The following GLCCI1 variants were observed in gnomAD, a reference collection of about 807,000 sequenced individuals.
GLCCI1 encodes the protein glucocorticoid-induced transcript 1 protein.
A neutral mutation model predicts 52.2 loss-of-function variants in GLCCI1; 24 were observed. The observed-to-expected ratio is 0.46, with a 90% confidence interval of 0.33 to 0.65. The LOEUF is 0.65. Among genes scored for constraint, GLCCI1 ranks in the 30% least tolerant of loss-of-function variants. GLCCI1 has a pLI of 0.02. For synonymous variants in GLCCI1, 310 were observed against 276.5 expected (o/e 1.12, Z -1.20); for missense variants, 704 against 701.5 (o/e 1.00, Z -0.04).
In GLCCI1 at chr7:8,088,771, G is replaced by T. The variant is rs148412769; in HGVS notation, c.*2233G>T. 3 of 152,700 alleles carry T rather than the reference G, an allele frequency of 2.0e-5. No individual in the cohort carries two copies. The highest frequency in any genetic ancestry group is 2.0e-4 in the Admixed American group (3 of 15,296). The allele number at this position is 152,700 out of a possible 1,614,324, so 9.5% of individuals were successfully genotyped here. On this transcript the variant is annotated 3_prime_UTR_variant, in exon 8 of 8. Coordinates refer to ENST00000223145, the MANE Select transcript of GLCCI1 (RefSeq NM_138426.4). ...TCTCATGAGATACTAAATATTAATT[G>T]TGTTGTACATTTGTTCTTAGCATAT...
intron 3 of GLCCI1, among the ~76,000 whole-genome samples, chr7:8,024,277 T>G (rs1052508027): frequency 2.0e-5 from 3 of 152,198 alleles, no homozygotes; most frequent in African/African-American, 7.2e-5. Flanking sequence ...TAGCAGCTTC[T>G]TTATAGTATG....
chr7:8,055,607 A>T, intron 4 of GLCCI1, 58 bp downstream of exon 4: 1 of 989,046 alleles, frequency 1.0e-6, no homozygotes, highest in Non-Finnish European at 1.6e-6. Context: ...AAGGAAGGGA[A>T]TTCATCATTT....
intron 1 of GLCCI1, among the ~76,000 whole-genome samples, chr7:7,975,684 G>C (rs571220120): frequency 2.0e-5 from 3 of 152,192 alleles, no homozygotes; most frequent in Non-Finnish European, 4.4e-5. Context: ...GTGAGACCTA[G>C]TTTGTTGAAT....
chr7:7,988,168 C>T (rs1780774527), intron 1 of GLCCI1, among the ~76,000 whole-genome samples: 1 of 152,054 alleles, frequency 6.6e-6, no homozygotes, highest in Non-Finnish European at 1.5e-5. Context: ...ACTGGAGTCT[C>T]TGTTGATAAG....
rs965965715 is a variant in GLCCI1 at position 7,969,504 on chromosome 7, G to T, written c.154G>T (p.Ala52Ser). The change falls in exon 1 of 8, where the codon GCC (alanine) becomes TCC (serine). Residue 52 changes from alanine to serine, a missense_variant. By Grantham distance (99) the Ala-to-Ser change is moderately conservative. Coordinates refer to ENST00000223145, the MANE Select transcript of GLCCI1 (RefSeq NM_138426.4). This position sits in a 1 kb window ranked among gnomAD's most constrained non-coding sequence, Gnocchi z 4.9. ...GGGCGGCGGCGGCGGCGTGGGCTGCGCCCCGGCTGCGGGAGCCGGCCGGCT... is the reference window on the plus strand; with the variant it reads ...GGGCGGCGGCGGCGGCGTGGGCTGCTCCCCGGCTGCGGGAGCCGGCCGGCT... Reference protein sequence around the residue: ...GAGGGGGVGCAPAAGAGRLLQ... With the variant: ...GAGGGGGVGCSPAAGAGRLLQ... The T allele has an allele frequency of 1.4e-4, 141 of 1,003,292 alleles. No individual in the cohort carries two copies. The African/African-American group carries it at 2.4e-3, about 17-fold the overall frequency. 62.1% of individuals were successfully genotyped at this position (1,003,292 alleles called of 1,614,324 possible). A position where few individuals can be genotyped will look rare whatever the true frequency, so the allele number is the denominator to read the frequency against.
chr7:8,018,482 G>A (rs764959529), intron 2 of GLCCI1, among the ~76,000 whole-genome samples: 2 of 152,076 alleles, frequency 1.3e-5, no homozygotes, highest in African/African-American at 2.4e-5. Flanking sequence ...TTTTCTAATG[G>A]TATTCATTTT....
At chr7:8,045,866 A>G (rs1782111723) in intron 3 of GLCCI1, among the ~76,000 whole-genome samples, 1 of 152,156 alleles carries the variant, frequency 6.6e-6, no homozygotes, top group Non-Finnish European at 1.5e-5. Flanking sequence ...ATGAACCTGC[A>G]AACAAATATC....
chr7:7,987,360 G>A (rs1780755846), intron 1 of GLCCI1, among the ~76,000 whole-genome samples: 1 of 152,184 alleles, frequency 6.6e-6, no homozygotes, highest in African/African-American at 2.4e-5. Context: ...AAAGAGAAGT[G>A]TGGCTTTCTT....
chr7:8,026,394 C>T lies in GLCCI1; in HGVS notation c.696+3825C>T, dbSNP rs561260975. Among the ~76,000 whole-genome samples the T allele has an allele frequency of 1.3e-3, 193 of 152,288 alleles. 2 individuals carry two copies. Among genetic ancestry groups the T allele is most frequent in the South Asian group, 7.2e-3 (35 of 4,830 alleles). On this transcript the variant is annotated intron_variant, in intron 3 of 7. Coordinates refer to ENST00000223145, the MANE Select transcript of GLCCI1 (RefSeq NM_138426.4). ...AAATAGAAGCCTACAGCATTCATCC[C>T]TCCCACCCCCAATGGAGTACTAAAT... is the stretch of plus-strand genomic sequence containing the variant.
At chr7:8,064,312 T>A (rs940147017) in intron 5 of GLCCI1, among the ~76,000 whole-genome samples, 10 of 152,214 alleles carry the variant, frequency 6.6e-5, no homozygotes, top group South Asian at 6.2e-4. Flanking sequence ...GTTTCAGTCT[T>A]CTGCATATAG....
intron 3 of GLCCI1, among the ~76,000 whole-genome samples, chr7:8,024,246 A>C (rs1179695618): frequency 6.6e-6 from 1 of 152,126 alleles, no homozygotes; most frequent in Non-Finnish European, 1.5e-5. Context: ...GCATGATTTT[A>C]CTTATGATTG....
intron 2 of GLCCI1, among the ~76,000 whole-genome samples, chr7:8,016,760 T>G (rs1273779813): frequency 6.6e-6 from 1 of 152,212 alleles, no homozygotes; most frequent in Non-Finnish European, 1.5e-5. Context: ...GTTAAGCTTC[T>G]AGCACAGTAT....
intron 2 of GLCCI1, among the ~76,000 whole-genome samples, chr7:8,004,883 G>T (rs545403371): frequency 8.7e-4 from 132 of 152,294 alleles, no homozygotes; most frequent in African/African-American, 3.1e-3. Context: ...AGAGTTTCAT[G>T]TCCGAAGACT....
chr7:8,060,602 G>A (rs953220082), intron 5 of GLCCI1, among the ~76,000 whole-genome samples: 1 of 152,158 alleles, frequency 6.6e-6, no homozygotes, highest in African/African-American at 2.4e-5. Context: ...TTCTTAACTG[G>A]ATTTTTTTTA....
intron 5 of GLCCI1, among the ~76,000 whole-genome samples, chr7:8,062,571 A>G (rs1209155986): frequency 6.6e-6 from 1 of 152,194 alleles, no homozygotes; most frequent in Non-Finnish European, 1.5e-5. Context: ...CCCAGGTAAT[A>G]AGCATACTAC....
At chr7:8,018,327 A>G (rs1396780933) in intron 2 of GLCCI1, among the ~76,000 whole-genome samples, 1 of 152,168 alleles carries the variant, frequency 6.6e-6, no homozygotes, top group Non-Finnish European at 1.5e-5. Context: ...TTGACAAAGC[A>G]TGTTTTTTGC....
At chr7:8,059,340 G>A (rs569717506) in intron 4 of GLCCI1, among the ~76,000 whole-genome samples, 30 of 152,178 alleles carry the variant, frequency 2.0e-4, no homozygotes, top group Non-Finnish European at 3.1e-4. Flanking sequence ...CCAATGATTA[G>A]CAGTCTACCT....
intron 1 of GLCCI1, among the ~76,000 whole-genome samples, chr7:7,999,795 C>T (rs1781017631): frequency 6.6e-6 from 1 of 151,820 alleles, no homozygotes; most frequent in African/African-American, 2.4e-5. Flanking sequence ...CCCAGCTACT[C>T]AAGAGACTGA....
Position 8,086,105 on chromosome 7 carries a change from C to T in GLCCI1, c.1299-88C>T. 3 of 1,097,566 alleles carry T rather than the reference C, an allele frequency of 2.7e-6. No individual in the cohort carries two copies. Among genetic ancestry groups the T allele is most frequent in the Non-Finnish European group, 3.9e-6 (3 of 760,014 alleles). The allele number at this position is 1,097,566 out of a possible 1,614,324, so 68.0% of individuals were successfully genotyped here. A position where few individuals can be genotyped will look rare whatever the true frequency, so the allele number is the denominator to read the frequency against. On this transcript the variant is annotated intron_variant, in intron 7 of 7. Coordinates refer to ENST00000223145, the MANE Select transcript of GLCCI1 (RefSeq NM_138426.4). This position sits in a 1 kb window ranked among gnomAD's most constrained non-coding sequence, Gnocchi z 4.4. ...CCATCTCCTGCCATTTACATTTTAG[C>T]TGTTTTAGAGAACTCCAGTTAATTC...
Sources: gnomAD v4.1 joint callset for allele counts (sites outside exome capture counted in the v4.1 genomes callset) on GRCh38, gnomAD v4.1.1 for gene constraint, Gnocchi (gnomAD v3.1) non-coding constraint, MANE v1.5 for transcripts, NCBI Gene and HGNC (gene_info 2026-07-23, HGNC 2026-07-21) for gene names.